SEMA6A: variants seen among roughly 807,000 people sequenced by gnomAD.
SEMA6A encodes semaphorin 6A.
In SEMA6A, 25 loss-of-function variants were observed where a neutral mutation model predicts 96.8. The observed-to-expected ratio is 0.26, with a 90% CI of 0.19 to 0.36. The LOEUF (loss-of-function observed/expected upper bound fraction) is 0.36, where lower values mean the gene tolerates loss of function less well. SEMA6A is among the 10% of genes least tolerant of loss of function. The pLI is 1.00. For synonymous variants in SEMA6A, 612 were observed against 518.0 expected (o/e 1.18, Z -2.46); for missense variants, 1,363 against 1,323.1 (o/e 1.03, Z -0.47).
chr5:116,495,253 C>G (rs1237545002), intron 6 of SEMA6A, among the ~76,000 whole-genome samples, 160 bp downstream of exon 6: 1 of 152,186 alleles, frequency 6.6e-6, no homozygotes, highest in Non-Finnish European at 1.5e-5. Context: ...AGCTTAGAAG[C>G]CTGCTTAGGA....
intron 1 of SEMA6A, among the ~76,000 whole-genome samples, chr5:116,545,264 G>A (rs759886569): frequency 3.3e-5 from 5 of 152,158 alleles, no homozygotes; most frequent in Admixed American, 6.6e-5. Flanking sequence ...GACAAGCTGC[G>A]TAAGGGATAA....
At position 116,467,690 on chromosome 5, in the gene SEMA6A, C is replaced by A. The variant is rs755094497; in HGVS notation, c.1787G>T (p.Gly596Val). The change falls in exon 18 of 19, where the codon GGG becomes GTG. Residue 596 changes from glycine (G) to valine (V), a missense_variant. By Grantham distance (109) the Gly-to-Val change is moderately radical. Around this residue, in one of 2 missense-constraint regions of SEMA6A, gnomAD observed 883 missense variants for 763.6 expected, o/e 1.16. Transcript: ENST00000343348. ...TTTSDSTAQE[G>V]YESRGGMLDW... is the part of the protein sequence containing the mutation. ...CAGCATTCCTCCCCTAGACTCATAC[C>A]CCTCTTGAGCCGTCGAATCTGATGT... The A allele has an allele frequency of 1.9e-6, 3 of 1,613,662 alleles. No homozygotes were observed.
chr5:116,482,574 T>G lies in SEMA6A; in HGVS notation c.964A>C (p.Ile322Leu). The G allele has an allele frequency of 6.2e-7, 1 of 1,613,410 alleles. No homozygotes were observed. The highest frequency in any genetic ancestry group is 8.5e-7 in the Non-Finnish European group (1 of 1,179,534). Residue 322 changes from isoleucine to leucine, a missense_variant and splice_region_variant, in exon 11 of 19, where the codon ATC (isoleucine) becomes CTC (leucine). Ile to Leu is a conservative substitution (Grantham distance 5, BLOSUM62 2). Coordinates refer to ENST00000343348, the MANE Select transcript of SEMA6A (RefSeq NM_020796.5). The stretch of plus-strand genomic sequence containing the variant: ...TAGGCACAGACTGCAGACCCAGGGA[T>G]GCTACAACATGATATTTCACATCAA... ...LATFSTPYNS[I>L]PGSAVCAYDM...
chr5:116,524,991 T>C (rs1270234043), intron 1 of SEMA6A, among the ~76,000 whole-genome samples: 2 of 152,248 alleles, frequency 1.3e-5, no homozygotes, highest in Non-Finnish European at 1.5e-5. Flanking sequence ...ATTAGTTTGA[T>C]ATTTATTTTG....
chr5:116,545,473 G>C (rs919203881), intron 1 of SEMA6A, among the ~76,000 whole-genome samples: 1 of 152,114 alleles, frequency 6.6e-6, no homozygotes, highest in Admixed American at 6.5e-5. Context: ...GGGAGGCTGA[G>C]TCAGGAGAAT....
At chr5:116,528,537 G>A (rs1192303963) in intron 1 of SEMA6A, among the ~76,000 whole-genome samples, 1 of 152,172 alleles carries the variant, frequency 6.6e-6, no homozygotes, top group African/African-American at 2.4e-5. Context: ...CAGCTAATGA[G>A]CTTGCGATAG....
chr5:116,458,930 C>T (rs1755191835), intron 18 of SEMA6A, among the ~76,000 whole-genome samples: 2 of 152,112 alleles, frequency 1.3e-5, no homozygotes. Flanking sequence ...TGGAAACCCA[C>T]ATCATCCATT....
intron 17 of SEMA6A, 155 bp from the exon 18 acceptor site, chr5:116,467,902 T>TGGG: frequency 3.2e-6 from 2 of 620,352 alleles, no homozygotes; most frequent in African/African-American, 1.9e-5. Flanking sequence ...GTGGTGGTGG[T>TGGG]GGTGGTGGTG....
chr5:116,512,092 G>GT (rs1459206583), intron 1 of SEMA6A, among the ~76,000 whole-genome samples: 1 of 152,140 alleles, frequency 6.6e-6, no homozygotes, highest in African/African-American at 2.4e-5. Context: ...TAAATAGTAG[G>GT]TATCCTTCAC....
At chr5:116,508,875 T>C (rs1013943448) in intron 1 of SEMA6A, among the ~76,000 whole-genome samples, 3 of 152,216 alleles carry the variant, frequency 2.0e-5, no homozygotes, top group Admixed American at 2.0e-4. Flanking sequence ...GGAACCTTTA[T>C]ACTACCCAGG....
intron 12 of SEMA6A, among the ~76,000 whole-genome samples, chr5:116,479,213 A>C (rs981288021): frequency 6.6e-6 from 1 of 152,212 alleles, no homozygotes; most frequent in African/African-American, 2.4e-5. Context: ...GTAGGGTGCT[A>C]ATGGCACTAC....
chr5:116,572,954 G>T (rs909112653), intron 1 of SEMA6A, among the ~76,000 whole-genome samples: 3 of 152,200 alleles, frequency 2.0e-5, no homozygotes, highest in Admixed American at 6.5e-5. Flanking sequence ...CGGCGAGGGA[G>T]CGGGAAAAAC....
chr5:116,447,176 C>T lies in SEMA6A; in HGVS notation c.2530G>A (p.Glu844Lys), dbSNP rs772598232. ...KMSEVAQMAL[E>K]DQAATLEYKT... ...TACTCCAGTGTGGCGGCCTGGTCCT[C>T]CAGCGCCATCTGGGCCACCTCGCTC... Residue 844 changes from glutamate to lysine, a missense_variant, in exon 19 of 19, where the codon GAG becomes AAG. Coordinates refer to ENST00000343348, the MANE Select transcript of SEMA6A (RefSeq NM_020796.5). 9 of 1,614,026 alleles carry T rather than the reference C, an allele frequency of 5.6e-6. No individual in the cohort carries two copies. Among genetic ancestry groups the T allele is most frequent in the Non-Finnish European group, 7.6e-6 (9 of 1,179,896 alleles).
At chr5:116,572,519 T>A (rs1013173985) in intron 1 of SEMA6A, among the ~76,000 whole-genome samples, 2 of 152,124 alleles carry the variant, frequency 1.3e-5, no homozygotes, top group Non-Finnish European at 2.9e-5. Flanking sequence ...GCTTCCTCCC[T>A]CCCTGGATAG....
rs775040544 is a variant in SEMA6A, at chr5:116,447,213, G to C, written c.2493C>G (p.Asp831Glu). 2 of 1,613,948 alleles carry C rather than the reference G, an allele frequency of 1.2e-6. No homozygotes were observed. The highest frequency in any genetic ancestry group is 2.7e-5 in the African/African-American group (2 of 74,940). Residue 831 changes from aspartate (D) to glutamate (E), a missense_variant, in exon 19 of 19, where the codon GAC (aspartate) becomes GAG (glutamate). This residue lies in a region of SEMA6A where 883 missense variants were observed against 763.6 expected (regional missense o/e 1.16). Coordinates refer to ENST00000343348, the MANE Select transcript of SEMA6A (RefSeq NM_020796.5). Reference protein sequence around the residue: ...TQQGYQHEYVDQPKMSEVAQM... With the variant: ...TQQGYQHEYVEQPKMSEVAQM... ...GGGCCACCTCGCTCATTTTGGGCTG[G>C]TCCACGTACTCATGCTGGTAGCCCT... is the stretch of plus-strand genomic sequence containing the variant.
chr5:116,469,818 A>G (rs1263142549), intron 17 of SEMA6A, among the ~76,000 whole-genome samples: 1 of 152,228 alleles, frequency 6.6e-6, no homozygotes, highest in African/African-American at 2.4e-5. Context: ...CTCATTGGTA[A>G]TGGAAAGCTA....
At chr5:116,563,332 A>G (rs1335587192) in intron 1 of SEMA6A, among the ~76,000 whole-genome samples, 2 of 152,124 alleles carry the variant, frequency 1.3e-5, no homozygotes, top group Non-Finnish European at 2.9e-5. Flanking sequence ...AGATTCAAAT[A>G]CTCCACACCA....
chr5:116,455,027 T>C (rs1238271878), intron 18 of SEMA6A, among the ~76,000 whole-genome samples: 1 of 152,204 alleles, frequency 6.6e-6, no homozygotes, highest in Non-Finnish European at 1.5e-5. Flanking sequence ...TGACTGTAGA[T>C]GAACCCACTT....
At chr5:116,545,518 C>T (rs140692176) in intron 1 of SEMA6A, among the ~76,000 whole-genome samples, 5,800 of 152,002 alleles carry the variant, frequency 0.038, 163 homozygotes, top group Middle Eastern at 0.088. Context: ...TGTAGTGAGC[C>T]GAGATTGCGC....
Sources: gnomAD v4.1 joint callset for allele counts (sites outside exome capture counted in the v4.1 genomes callset) on GRCh38, gnomAD v4.1.1 for gene constraint, gnomAD v4.1.1 regional missense constraint, MANE v1.5 for transcripts, NCBI Gene and HGNC (gene_info 2026-07-23, HGNC 2026-07-21) for gene names.